Variants in TRIP13 observed in about 807,000 individuals in gnomAD.
TRIP13 encodes the protein thyroid hormone receptor interactor 13, also known as pachytene checkpoint protein 2 homolog.
Under a neutral mutation model 54.4 loss-of-function variants are expected in TRIP13, and 25 were observed. The ratio of observed to expected loss-of-function variants is 0.46; its 90% CI spans 0.33 to 0.64. The LOEUF is 0.64. Ranked by LOEUF, TRIP13 falls within the 30% of genes least tolerant of loss-of-function variation. The probability of loss-of-function intolerance (pLI) is 0.02; values close to 1 mark genes in which losing one functional copy is unlikely to be tolerated. For synonymous variants in TRIP13, 207 were observed against 207.8 expected (o/e 1.00, Z 0.03); for missense variants, 373 against 534.2 (o/e 0.70, Z 2.97).
intron 9 of TRIP13, among the ~76,000 whole-genome samples, chr5:910,428 C>T (rs909583758): frequency 6.6e-6 from 1 of 152,182 alleles, no homozygotes; most frequent in Non-Finnish European, 1.5e-5. Context: ...CCTGCACATC[C>T]ACCTGTGACC....
At position 912,135 on chromosome 5, in the gene TRIP13, A is replaced by G; in HGVS notation, c.1020+139A>G. 1.7e-6 allele frequency: 2 copies of G among 1,157,968 alleles called. No individual in the cohort carries two copies. The highest frequency in any genetic ancestry group is 1.6e-5 in the South Asian group (1 of 62,520). The allele number at this position is 1,157,968 out of a possible 1,614,324, so 71.7% of individuals were successfully genotyped here. A position where few individuals can be genotyped will look rare whatever the true frequency, so the allele number is the denominator to read the frequency against. On this transcript the variant is annotated intron_variant, in intron 10 of 12. Coordinates refer to ENST00000166345, the MANE Select transcript of TRIP13 (RefSeq NM_004237.4). This position sits in a 1 kb window ranked among gnomAD's most constrained non-coding sequence, Gnocchi z 7.2. ...TAACTCCCTTCTTAAATTGAAAACT[A>G]GTTTTGTATGTGACAGGTTGAGCTG...
At position 896,639 on chromosome 5, in the gene TRIP13, C is replaced by T. The variant is rs778970083; in HGVS notation, c.259-26C>T. 1.9e-5 allele frequency: 31 copies of T among 1,591,890 alleles called. No individual in the cohort carries two copies. The South Asian group carries it at 2.8e-4, about 15-fold the overall frequency. Reference sequence around the variant, plus strand: ...TTAAGTGAGAGTTGGAAATGTGTGTCGATATTGGCTTTTCCCTCATTTTAG... The same window carrying T: ...TTAAGTGAGAGTTGGAAATGTGTGTTGATATTGGCTTTTCCCTCATTTTAG... On this transcript the variant is annotated intron_variant, in intron 2 of 12. Coordinates refer to ENST00000166345, the MANE Select transcript of TRIP13 (RefSeq NM_004237.4).
chr5:917,166 C>A lies in TRIP13; in HGVS notation c.*63C>A. 6.5e-7 allele frequency: 1 copy of A among 1,530,138 alleles called. No individual in the cohort carries two copies. The highest frequency in any genetic ancestry group is 1.7e-5 in the Admixed American group (1 of 57,570). The allele number at this position is 1,530,138 out of a possible 1,614,324, so 94.8% of individuals were successfully genotyped here. A position where few individuals can be genotyped will look rare whatever the true frequency, so the allele number is the denominator to read the frequency against. Reference sequence around the variant, plus strand: ...ACACACAACCAGTAAGTGAGGTTGCCCCACACAGCCGTCTCCCAGGGAATC... The same window carrying A: ...ACACACAACCAGTAAGTGAGGTTGCACCACACAGCCGTCTCCCAGGGAATC... On this transcript the variant is annotated 3_prime_UTR_variant, in exon 13 of 13. Transcript: ENST00000166345.
chr5:916,761 G>A (rs1162679466), intron 12 of TRIP13, among the ~76,000 whole-genome samples: 1 of 152,090 alleles, frequency 6.6e-6, no homozygotes, highest in East Asian at 1.9e-4. Flanking sequence ...CACCCCCGCA[G>A]CTGTTTCTGA....
intron 6 of TRIP13, among the ~76,000 whole-genome samples, chr5:906,151 G>A (rs1754110961): frequency 6.6e-6 from 1 of 152,180 alleles, no homozygotes. Context: ...GGTCCAGGCT[G>A]TGGTGAGCCT....
At chr5:914,683 T>C in intron 11 of TRIP13, 106 bp downstream of exon 11, 1 of 835,664 alleles carries the variant, frequency 1.2e-6, no homozygotes, top group East Asian at 2.5e-5. Flanking sequence ...GGGTGTGAAC[T>C]CTCAACACAG....
rs534844871 is a variant in TRIP13, at chr5:912,269, G to A, written c.1020+273G>A. 2.0e-5 allele frequency among the ~76,000 whole-genome samples: 3 copies of A among 151,944 alleles called. No homozygotes were observed. Among genetic ancestry groups the A allele is most frequent in the South Asian group, 2.1e-4 (1 of 4,800 alleles). On this transcript the variant is annotated intron_variant, in intron 10 of 12. Transcript: ENST00000166345. The surrounding 1 kb of genome is among the most constrained non-coding windows in gnomAD (Gnocchi z 7.2). ...GTCAGTGTAGGGGACGTCAGTGACC[G>A]GCTGTGTTTACCTGGCTGGCTGCAC...
At chr5:916,634 G>C (rs1342301241) in intron 12 of TRIP13, among the ~76,000 whole-genome samples, 1 of 152,186 alleles carries the variant, frequency 6.6e-6, no homozygotes, top group East Asian at 1.9e-4. Context: ...CTGGGCACTG[G>C]GCCATGGGAA....
downstream of TRIP13, chr5:918,927 T>A (rs1754382122): frequency 1.3e-5 from 2 of 152,156 alleles, no homozygotes; most frequent in Admixed American, 6.5e-5. The surrounding 1 kb of genome is among the most constrained non-coding windows in gnomAD (Gnocchi z 4.3). Flanking sequence ...CAAATGTTAA[T>A]CTCCTTTGAC....
chr5:909,703 C>T (rs551127466), intron 9 of TRIP13, among the ~76,000 whole-genome samples: 2 of 152,332 alleles, frequency 1.3e-5, no homozygotes, highest in African/African-American at 4.8e-5. Flanking sequence ...AACAGCAAGC[C>T]AGTCATTAGC....
In TRIP13 at chr5:894,841, T is replaced by G. The variant is rs764808988; in HGVS notation, c.147T>G (p.His49Gln). 1 of 1,613,862 alleles carries G rather than the reference T, an allele frequency of 6.2e-7. No homozygotes were observed. Among genetic ancestry groups the G allele is most frequent in the Admixed American group, 1.7e-5 (1 of 59,978 alleles). ...NLSVRKLLNR[H>Q]NIVFGDYTWT... ...GTGTTAGAAAGCTACTCAACAGACA[T>G]AATATTGTGTTTGGTGATTACACAT... Residue 49 changes from histidine to glutamine, a missense_variant, in exon 2 of 13, where the codon CAT becomes CAG. Around this residue, in one of 4 missense-constraint regions of TRIP13, gnomAD observed 151 missense variants for 151.9 expected, o/e 0.99. Transcript: ENST00000166345.
chr5:892,945 G>T lies in TRIP13; in HGVS notation c.-54G>T. On this transcript the variant is annotated 5_prime_UTR_variant, in exon 1 of 13. Transcript: ENST00000166345. ...AGCGGCTGTGGCGGCGACGCTGGGC[G>T]TGAGGTGGCGGCGGCCGCGCCCTGG... 7 of 1,414,952 alleles carry T rather than the reference G, an allele frequency of 4.9e-6. No individual in the cohort carries two copies. The South Asian group carries it at 8.5e-5, about 17-fold the overall frequency. The allele number at this position is 1,414,952 out of a possible 1,614,324, so 87.6% of individuals were successfully genotyped here. A position where few individuals can be genotyped will look rare whatever the true frequency, so the allele number is the denominator to read the frequency against.
intron 4 of TRIP13, 91 bp downstream of exon 4, chr5:900,640 C>T: frequency 2.1e-6 from 3 of 1,427,072 alleles, no homozygotes; most frequent in Non-Finnish European, 2.9e-6. Context: ...CAACTTGATG[C>T]AGATGGGTTT....
intron 1 of TRIP13, among the ~76,000 whole-genome samples, chr5:893,402 C>A (rs1267599392): frequency 6.6e-6 from 1 of 152,202 alleles, no homozygotes; most frequent in Non-Finnish European, 1.5e-5. Flanking sequence ...CGGCTGTCCT[C>A]CAGTGCATTG....
rs1309010427 is a variant in TRIP13 at position 893,053 on chromosome 5, C to T, written c.55C>T (p.Pro19Ser). The change falls in exon 1 of 13, where the codon CCA (proline) becomes TCA (serine). Residue 19 changes from proline (P) to serine (S), a missense_variant. Physicochemically the swap from Pro to Ser is moderately conservative, Grantham distance 74. Transcript: ENST00000166345. ...GGCGCTTCCCTGTGTGGCCGAGTCG[C>T]CAACGGTCCACGTGGAGGTGCATCA... ...KQALPCVAES[P>S]TVHVEVHQRG... 1 of 1,597,972 alleles carries T rather than the reference C, an allele frequency of 6.3e-7. No homozygotes were observed. Among genetic ancestry groups the T allele is most frequent in the Non-Finnish European group, 8.5e-7 (1 of 1,176,432 alleles).
intron 10 of TRIP13, among the ~76,000 whole-genome samples, chr5:914,213 T>C (rs1754297175): frequency 6.6e-6 from 1 of 152,194 alleles, no homozygotes; most frequent in African/African-American, 2.4e-5. Flanking sequence ...GAAGAGGCTA[T>C]GTTGCTACTG....
At chr5:893,153 C>A in intron 1 of TRIP13, 63 bp downstream of exon 1, 1 of 1,439,346 alleles carries the variant, frequency 6.9e-7, no homozygotes, top group Non-Finnish European at 9.4e-7. Flanking sequence ...AGCGCGTGCA[C>A]CGAGCCCCGA....
intron 3 of TRIP13, 146 bp from the exon 4 acceptor site, chr5:900,348 A>G: frequency 1.3e-6 from 1 of 762,290 alleles, no homozygotes; most frequent in East Asian, 3.1e-5. Flanking sequence ...AAATTTGCAG[A>G]ATTTATACTT....
Position 907,432 on chromosome 5 carries a change from C to T in TRIP13, c.672+239C>T, listed in dbSNP as rs147820770. 6.6e-6 allele frequency among the ~76,000 whole-genome samples: 1 copy of T among 152,294 alleles called. No individual in the cohort carries two copies. The highest frequency in any genetic ancestry group is 1.5e-5 in the Non-Finnish European group (1 of 68,030). On this transcript the variant is annotated intron_variant, in intron 7 of 12. Coordinates refer to ENST00000166345, the MANE Select transcript of TRIP13 (RefSeq NM_004237.4). The surrounding 1 kb of genome is among the most constrained non-coding windows in gnomAD (Gnocchi z 4.1). ...GACAATCGATGGACTCTCAGAAGGG[C>T]AGGGCTGGCACTCAGGGGACTGCAG...
Sources: gnomAD v4.1 joint callset for allele counts (sites outside exome capture counted in the v4.1 genomes callset) on GRCh38, gnomAD v4.1.1 for gene constraint, gnomAD v4.1.1 regional missense constraint, Gnocchi (gnomAD v3.1) non-coding constraint, MANE v1.5 for transcripts, NCBI Gene and HGNC (gene_info 2026-07-23, HGNC 2026-07-21) for gene names.